Variants in IMMP2L observed in about 807,000 individuals in gnomAD.
The protein encoded by IMMP2L is mitochondrial inner membrane protease subunit 2.
Under a neutral mutation model 19.3 loss-of-function variants are expected in IMMP2L, and 18 were observed. The observed-to-expected ratio is 0.93, with a 90% CI of 0.64 to 1.38. IMMP2L has a LOEUF of 1.38. Ranked by LOEUF, IMMP2L falls within the 40% of genes most tolerant of loss-of-function variation. IMMP2L has a pLI of 0.00. For synonymous variants in IMMP2L, 76 were observed against 73.0 expected (o/e 1.04, Z -0.21); for missense variants, 233 against 218.2 (o/e 1.07, Z -0.43).
rs545105583 is a variant in IMMP2L, at chr7:111,499,784, C to A, written c.136-12443G>T. The stretch of plus-strand genomic sequence containing the variant: ...TTGGTCTGCATGGCTCTTAGCTCTG[C>A]CCTCTGGGCTTTGGGCTCTTTTTTA... On this transcript the variant is annotated intron_variant, in intron 2 of 5. Transcript: ENST00000405709. Among the ~76,000 whole-genome samples, 6 of 152,268 alleles carry A rather than the reference C, an allele frequency of 3.9e-5. No homozygotes were observed. The East Asian group carries it at 1.2e-3, about 29-fold the overall frequency.
At chr7:110,805,317 G>A (rs923822188) in intron 5 of IMMP2L, among the ~76,000 whole-genome samples, 1 of 152,054 alleles carries the variant, frequency 6.6e-6, no homozygotes, top group Non-Finnish European at 1.5e-5. Context: ...GTAAGCTCCA[G>A]GAGGGTAATG....
chr7:111,449,955 T>G (rs1838949407), intron 3 of IMMP2L, among the ~76,000 whole-genome samples: 1 of 142,270 alleles, frequency 7.0e-6, no homozygotes, highest in Admixed American at 6.9e-5. Flanking sequence ...GAACTCCCAT[T>G]CACAATTGCT....
At chr7:110,761,911 G>T (rs1245270713) in intron 5 of IMMP2L, among the ~76,000 whole-genome samples, 1 of 152,036 alleles carries the variant, frequency 6.6e-6, no homozygotes, top group East Asian at 1.9e-4. Context: ...TGTTCTGTTT[G>T]TACCAAAGCT....
intron 5 of IMMP2L, among the ~76,000 whole-genome samples, chr7:110,851,061 C>T (rs558877617): frequency 6.6e-5 from 10 of 152,078 alleles, no homozygotes; most frequent in East Asian, 5.8e-4. Context: ...GTAATTAGGA[C>T]GTTGATTAAG....
intron 1 of IMMP2L, among the ~76,000 whole-genome samples, chr7:111,525,046 T>G (rs1449798351): frequency 6.6e-6 from 1 of 152,170 alleles, no homozygotes; most frequent in Non-Finnish European, 1.5e-5. Flanking sequence ...TATCAAGTTT[T>G]TACAGTCAAC....
intron 5 of IMMP2L, among the ~76,000 whole-genome samples, chr7:110,671,231 T>C (rs1342340036): frequency 1.3e-5 from 2 of 152,218 alleles, no homozygotes; most frequent in East Asian, 1.9e-4. Flanking sequence ...CACCAAACTG[T>C]TTTGATTATG....
chr7:111,048,211 G>GC (rs1482341855), intron 3 of IMMP2L, among the ~76,000 whole-genome samples: 1 of 123,988 alleles, frequency 8.1e-6, no homozygotes, highest in African/African-American at 3.2e-5. Context: ...CTGCACTCCA[G>GC]CTGGGCGACA....
chr7:111,075,853 T>C (rs149880536), intron 3 of IMMP2L, among the ~76,000 whole-genome samples: 113 of 152,322 alleles, frequency 7.4e-4, no homozygotes, highest in African/African-American at 2.4e-3. Flanking sequence ...GTCCATTATT[T>C]CGCTAAAAGG....
chr7:111,066,825 T>A (rs536328066), intron 3 of IMMP2L, among the ~76,000 whole-genome samples: 1 of 152,290 alleles, frequency 6.6e-6, no homozygotes, highest in African/African-American at 2.4e-5. Context: ...CTGGTCACAT[T>A]AGTAAAACCA....
At chr7:111,067,148 AT>A (rs1450435068) in intron 3 of IMMP2L, among the ~76,000 whole-genome samples, 10 of 152,218 alleles carry the variant, frequency 6.6e-5, no homozygotes, top group African/African-American at 2.4e-4. Context: ...TTTCCCTATC[AT>A]AAACCACAAC....
chr7:111,105,574 T>C (rs181480002), intron 3 of IMMP2L, among the ~76,000 whole-genome samples: 10 of 151,976 alleles, frequency 6.6e-5, no homozygotes, highest in Non-Finnish European at 1.5e-4. Flanking sequence ...TTTAGCTGGC[T>C]GGGGGGAAAA....
At chr7:111,259,876 A>G (rs957354558) in intron 3 of IMMP2L, among the ~76,000 whole-genome samples, 7 of 152,142 alleles carry the variant, frequency 4.6e-5, no homozygotes, top group African/African-American at 1.7e-4. Context: ...AAACTAAGAC[A>G]CAAACACACA....
chr7:111,090,990 T>A (rs1026545058), intron 3 of IMMP2L: 1 of 152,248 alleles, frequency 6.6e-6, no homozygotes, highest in Non-Finnish European at 1.5e-5. Context: ...AGCAGTGTCA[T>A]AGAACAGACA....
At chr7:111,539,256 AAGAAAGAAAGAAAG>A (rs892088293) in intron 1 of IMMP2L, among the ~76,000 whole-genome samples, 4 of 145,716 alleles carry the variant, frequency 2.7e-5, no homozygotes, top group Middle Eastern at 3.6e-3. Context: ...GAAAGAAAGA[AAGAAAGAAAGAAAG>A]AGAACATACG....
intron 3 of IMMP2L, among the ~76,000 whole-genome samples, chr7:111,230,102 CAAT>C (rs1813556940): frequency 6.6e-6 from 1 of 151,880 alleles, no homozygotes; most frequent in South Asian, 2.1e-4. Flanking sequence ...AGAAAACAAA[CAAT>C]AATGAGTTGC....
chr7:110,671,937 A>C (rs1223145642), intron 5 of IMMP2L, among the ~76,000 whole-genome samples: 1 of 152,104 alleles, frequency 6.6e-6, no homozygotes, highest in Non-Finnish European at 1.5e-5. Context: ...CCAGATGCTG[A>C]ATTTGCTAGC....
intron 3 of IMMP2L, among the ~76,000 whole-genome samples, chr7:111,003,586 C>G (rs1014824227): frequency 4.6e-5 from 7 of 151,750 alleles, no homozygotes; most frequent in Non-Finnish European, 8.8e-5. Context: ...ATCACAGCTT[C>G]CTGCAGCCTC....
At chr7:110,820,646 G>T (rs1017554232) in intron 5 of IMMP2L, among the ~76,000 whole-genome samples, 2 of 151,800 alleles carry the variant, frequency 1.3e-5, no homozygotes, top group African/African-American at 4.8e-5. Flanking sequence ...GGAAACTTCT[G>T]ACCTTTAGCA....
chr7:111,140,715 G>GC (rs747471294), intron 3 of IMMP2L, among the ~76,000 whole-genome samples: 1 of 152,094 alleles, frequency 6.6e-6, no homozygotes, highest in Non-Finnish European at 1.5e-5. Context: ...ATTTCCATCT[G>GC]CCCCAACCAA....
Sources: gnomAD v4.1 joint callset for allele counts (sites outside exome capture counted in the v4.1 genomes callset) on GRCh38, gnomAD v4.1.1 for gene constraint, MANE v1.5 for transcripts, NCBI Gene and HGNC (gene_info 2026-07-23, HGNC 2026-07-21) for gene names.